The following TAS1R1 variants were observed in gnomAD, a reference collection of about 807,000 sequenced individuals.
The protein encoded by TAS1R1 is taste receptor type 1 member 1.
A neutral mutation model predicts 45.8 loss-of-function variants in TAS1R1; 31 were observed. The ratio of observed to expected loss-of-function variants is 0.68; its 90% CI spans 0.51 to 0.91. TAS1R1 has a LOEUF of 0.91. Among genes scored for constraint, TAS1R1 ranks in the 40% least tolerant of loss-of-function variants. The probability of loss-of-function intolerance (pLI) is 0.00; values close to 1 mark genes in which losing one functional copy is unlikely to be tolerated. For synonymous variants in TAS1R1, 437 were observed against 448.4 expected, an observed-to-expected ratio of 0.97 and a Z score of 0.32; for missense variants, 1,051 against 1,063.9, an observed-to-expected ratio of 0.99 and a Z score of 0.17.
Position 6,579,272 on chromosome 1 carries a change from C to G in TAS1R1, c.2214C>G (p.Leu738=), listed in dbSNP as rs773529214. 1.9e-6 allele frequency: 3 copies of G among 1,614,238 alleles called. No individual in the cohort carries two copies. In the Admixed American group the frequency reaches 5.0e-5, roughly 27 times the overall value. The change falls in exon 6 of 6, where the codon CTC becomes CTG. Residue 738 remains leucine (L), a synonymous_variant. Transcript: ENST00000333172. ...TGGCCTTCCTCTACAATGGCCTCCTCTCCATCAGTGCCTTTGCCTGCAGCT... is the reference window on the plus strand; with the variant it reads ...TGGCCTTCCTCTACAATGGCCTCCTGTCCATCAGTGCCTTTGCCTGCAGCT... ...FILAFLYNGL[L]SISAFACSYL...
rs758854484 is a variant in TAS1R1, at chr1:6,555,372, G to C, written c.-2G>C. 1.3e-6 allele frequency: 2 copies of C among 1,582,602 alleles called. No homozygotes were observed. The highest frequency in any genetic ancestry group is 1.3e-5 in the African/African-American group (1 of 74,568). On this transcript the variant is annotated 5_prime_UTR_variant, in exon 1 of 6. Coordinates refer to ENST00000333172, the MANE Select transcript of TAS1R1 (RefSeq NM_138697.4). ...CATGCCAGGCGCGGGCATCTGGCCA[G>C]CATGCTGCTCTGCACGGCTCGCCTG...
intron 1 of TAS1R1, among the ~76,000 whole-genome samples, chr1:6,561,962 A>T (rs1218686623): frequency 6.6e-6 from 1 of 152,218 alleles, no homozygotes; most frequent in Non-Finnish European, 1.5e-5. Context: ...GAAGGCCCCC[A>T]GCTCTGGGAG....
At position 6,576,895 on chromosome 1, in the gene TAS1R1, T is replaced by C. The variant is rs915293841; in HGVS notation, c.1474-55T>C. ...CAGAGATTCTGTTTTCTGTTCCACA[T>C]GTGAGCTGTCCTTTGACTTGGGCCC... On this transcript the variant is annotated intron_variant, in intron 4 of 5. Transcript: ENST00000333172. 48 of 1,612,914 alleles carry C rather than the reference T, an allele frequency of 3.0e-5. 1 individual carries two copies. The Admixed American group carries it at 5.3e-4, about 18-fold the overall frequency.
Position 6,575,407 on chromosome 1 carries a change from CCCAG to C in TAS1R1, c.1260+17_1260+20del. The C allele has an allele frequency of 6.5e-7, 1 of 1,534,158 alleles. No individual in the cohort carries two copies. The highest frequency in any genetic ancestry group is 8.7e-7 in the Non-Finnish European group (1 of 1,144,120). ...ACCCCTGGCAGGTAAGAGAGCCCAC[CCCAG>C]CACCTCCTGTCAGGGAGAACAGCCA... On this transcript the variant is annotated intron_variant, in intron 3 of 5. Transcript: ENST00000333172.
chr1:6,559,086 G>A (rs888779119), intron 1 of TAS1R1, among the ~76,000 whole-genome samples: 1 of 151,956 alleles, frequency 6.6e-6, no homozygotes, highest in Admixed American at 6.6e-5. Context: ...GCAGAGACGG[G>A]GTTTCACCAT....
intron 1 of TAS1R1, among the ~76,000 whole-genome samples, chr1:6,561,755 A>T (rs1261411126): frequency 1.3e-5 from 2 of 149,704 alleles, no homozygotes; most frequent in African/African-American, 4.9e-5. Flanking sequence ...GAGAGTAAGG[A>T]TGGATTCAGC....
rs992202704 is a variant in TAS1R1 at position 6,568,477 on chromosome 1, G to A, written c.192-2432G>A. On this transcript the variant is annotated intron_variant, in intron 1 of 5. Coordinates refer to ENST00000333172, the MANE Select transcript of TAS1R1 (RefSeq NM_138697.4). ...CTCAAAAAAGAAAAAAAAAAAAAAA[G>A]AACAATAGTTCCTTCTTGGGAGGCA... Among the ~76,000 whole-genome samples, 16 of 146,394 alleles carry A rather than the reference G, an allele frequency of 1.1e-4. 1 individual carries two copies. In the South Asian group the frequency reaches 3.3e-3, roughly 30 times the overall value.
intron 1 of TAS1R1, among the ~76,000 whole-genome samples, chr1:6,558,517 C>G (rs901505839): frequency 6.6e-6 from 1 of 152,048 alleles, no homozygotes; most frequent in Non-Finnish European, 1.5e-5. Flanking sequence ...GTTGGGAGTT[C>G]CAGACCAGCC....
At position 6,555,315 on chromosome 1, in the gene TAS1R1, G is replaced by C; in HGVS notation, c.-59G>C. On this transcript the variant is annotated 5_prime_UTR_variant, in exon 1 of 6. Coordinates refer to ENST00000333172, the MANE Select transcript of TAS1R1 (RefSeq NM_138697.4). The stretch of plus-strand genomic sequence containing the variant: ...CATCCGGCAGCTGCCTTCTATTTAA[G>C]CAACTGGCCTCCTTAGAGGCCACTC... 1.4e-6 allele frequency: 2 copies of C among 1,461,140 alleles called. No individual in the cohort carries two copies. The highest frequency in any genetic ancestry group is 9.1e-7 in the Non-Finnish European group (1 of 1,102,548). The allele number at this position is 1,461,140 out of a possible 1,614,324, so 90.5% of individuals were successfully genotyped here.
At chr1:6,573,283 C>G (rs191350220) in intron 2 of TAS1R1, among the ~76,000 whole-genome samples, 2 of 152,124 alleles carry the variant, frequency 1.3e-5, no homozygotes, top group East Asian at 1.9e-4. Flanking sequence ...GTGGTGAAAC[C>G]CTGTCTCTGC....
At position 6,555,401 on chromosome 1, in the gene TAS1R1, G is replaced by A. The variant is rs769265487; in HGVS notation, c.28G>A (p.Gly10Ser). ...GCTGCTCTGCACGGCTCGCCTGGTC[G>A]GCCTGCAGCTTCTCATTTCCTGCTG... MLLCTARLV[G>S]LQLLISCCWA... The change falls in exon 1 of 6, where the codon GGC (glycine) becomes AGC (serine). Residue 10 changes from glycine (G) to serine (S), a missense_variant. By Grantham distance (56) the Gly-to-Ser change is moderately conservative. Coordinates refer to ENST00000333172, the MANE Select transcript of TAS1R1 (RefSeq NM_138697.4). 1.2e-6 allele frequency: 2 copies of A among 1,603,238 alleles called. No individual in the cohort carries two copies. Among genetic ancestry groups the A allele is most frequent in the Admixed American group, 1.7e-5 (1 of 59,104 alleles).
chr1:6,576,223 G>T (rs904734274), intron 3 of TAS1R1, among the ~76,000 whole-genome samples, 192 bp from the exon 4 acceptor site: 1 of 152,228 alleles, frequency 6.6e-6, no homozygotes, highest in African/African-American at 2.4e-5. Context: ...CTGTAAAGGA[G>T]TGTTTGTTAG....
At chr1:6,570,669 A>G (rs1221380117) in intron 1 of TAS1R1, among the ~76,000 whole-genome samples, 2 of 152,120 alleles carry the variant, frequency 1.3e-5, no homozygotes, top group African/African-American at 4.8e-5. Flanking sequence ...AACACTGACT[A>G]ATGTAGCAGG....
intron 2 of TAS1R1, among the ~76,000 whole-genome samples, chr1:6,572,686 G>A (rs1465562846): frequency 6.6e-6 from 1 of 151,872 alleles, no homozygotes; most frequent in East Asian, 1.9e-4. Context: ...CTCTGAAAAG[G>A]TAGGTGATTC....
Position 6,578,834 on chromosome 1 carries a change from A to T in TAS1R1, c.1776A>T (p.Leu592=). ...LGTAGLFAWH[L]DTPVVRSAGG... ...CTGCTGGCCTGTTTGCCTGGCACCTAGACACCCCTGTGGTGAGGTCAGCAG... is the reference window on the plus strand; with the variant it reads ...CTGCTGGCCTGTTTGCCTGGCACCTTGACACCCCTGTGGTGAGGTCAGCAG... Residue 592 remains leucine, a synonymous_variant, in exon 6 of 6, where the codon CTA becomes CTT. Transcript: ENST00000333172. 1.2e-6 allele frequency: 2 copies of T among 1,612,724 alleles called. No individual in the cohort carries two copies. The highest frequency in any genetic ancestry group is 1.7e-6 in the Non-Finnish European group (2 of 1,179,296).
intron 5 of TAS1R1, among the ~76,000 whole-genome samples, chr1:6,577,976 C>T (rs190122524): frequency 6.6e-6 from 1 of 152,300 alleles, no homozygotes; most frequent in African/African-American, 2.4e-5. Flanking sequence ...GCTATTGTTC[C>T]CTTTGTGCCC....
intron 1 of TAS1R1, among the ~76,000 whole-genome samples, chr1:6,555,938 C>T (rs1472187575): frequency 7.3e-6 from 1 of 137,586 alleles, no homozygotes; most frequent in East Asian, 2.3e-4. Flanking sequence ...GTGGCGCGAT[C>T]TCAGCTCACT....
At chr1:6,567,417 A>G (rs1299816950) in intron 1 of TAS1R1, among the ~76,000 whole-genome samples, 20 of 152,066 alleles carry the variant, frequency 1.3e-4, no homozygotes, top group Non-Finnish European at 4.4e-5. Context: ...AAAATTAGCC[A>G]GGCGTGGTGG....
At chr1:6,573,180 C>T (rs367949858) in intron 2 of TAS1R1, among the ~76,000 whole-genome samples, 14 of 152,160 alleles carry the variant, frequency 9.2e-5, no homozygotes, top group African/African-American at 3.1e-4. Flanking sequence ...GGCCGGGCAC[C>T]GGGCGCGGGG....
Sources: gnomAD v4.1 joint callset for allele counts (sites outside exome capture counted in the v4.1 genomes callset) on GRCh38, gnomAD v4.1.1 for gene constraint, MANE v1.5 for transcripts, NCBI Gene and HGNC (gene_info 2026-07-23, HGNC 2026-07-21) for gene names.